Variants in ANXA4 observed in about 807,000 individuals in gnomAD.
ANXA4 encodes annexin A4.
In ANXA4, 39 loss-of-function variants were observed where a neutral mutation model predicts 49.8. The observed-to-expected ratio is 0.78, with a 90% CI of 0.61 to 1.02. The LOEUF is 1.02. Among genes scored for constraint, ANXA4 ranks in the 50% least tolerant of loss-of-function variants. The pLI, the probability that ANXA4 is intolerant of heterozygous loss-of-function variation, is 0.00. For missense variants in ANXA4, 360 were observed against 410.1 expected (o/e 0.88, Z 1.05); for synonymous variants, 134 against 152.5 (o/e 0.88, Z 0.89).
chr2:69,760,343 C>T (rs1193344227), intron 1 of ANXA4, among the ~76,000 whole-genome samples: 1 of 152,128 alleles, frequency 6.6e-6, no homozygotes, highest in Non-Finnish European at 1.5e-5. Context: ...AATCTCTTGA[C>T]ACTTGATTAA....
intron 2 of ANXA4, among the ~76,000 whole-genome samples, chr2:69,661,831 C>G (rs1310188425): frequency 6.6e-6 from 1 of 152,066 alleles, no homozygotes; most frequent in Non-Finnish European, 1.5e-5. Flanking sequence ...TAAGTCTGTA[C>G]AAGAAGCAGT....
chr2:69,718,263 C>A (rs887632809), intron 2 of ANXA4, among the ~76,000 whole-genome samples: 1 of 152,032 alleles, frequency 6.6e-6, no homozygotes, highest in African/African-American at 2.4e-5. Context: ...GGGAAAGGTC[C>A]CCCCAGCTGG....
chr2:69,722,041 G>C (rs983510200), intron 3 of ANXA4, among the ~76,000 whole-genome samples: 1 of 151,856 alleles, frequency 6.6e-6, no homozygotes, highest in Non-Finnish European at 1.5e-5. Context: ...TATCTCACAG[G>C]GTCATTGGGA....
At chr2:69,694,454 G>A (rs1362564806) in intron 2 of ANXA4, among the ~76,000 whole-genome samples, 3 of 150,758 alleles carry the variant, frequency 2.0e-5, no homozygotes, top group African/African-American at 7.3e-5. Context: ...CCATGTTGGT[G>A]TGCTGAACCC....
At chr2:69,798,189 A>G (rs527338863) in intron 3 of ANXA4, among the ~76,000 whole-genome samples, 1 of 152,188 alleles carries the variant, frequency 6.6e-6, no homozygotes, top group Non-Finnish European at 1.5e-5. Context: ...TATCATTAGG[A>G]GTTAAATAGT....
At chr2:69,812,603 T>G in intron 7 of ANXA4, 50 bp from the exon 8 acceptor site, 1 of 1,519,088 alleles carries the variant, frequency 6.6e-7, no homozygotes, top group African/African-American at 1.4e-5. Flanking sequence ...TGTCCCCAGA[T>G]CTTCATGTAT....
chr2:69,670,285 C>T (rs1299975547), intron 2 of ANXA4, among the ~76,000 whole-genome samples: 1 of 151,824 alleles, frequency 6.6e-6, no homozygotes, highest in Admixed American at 6.6e-5. Flanking sequence ...ACTAAAAACA[C>T]ATAAATTAGC....
chr2:69,799,311 G>C (rs1673085517), intron 3 of ANXA4, among the ~76,000 whole-genome samples: 1 of 152,176 alleles, frequency 6.6e-6, no homozygotes, highest in African/African-American at 2.4e-5. Flanking sequence ...GCACCTAAAG[G>C]GAAAGGAATG....
intron 2 of ANXA4, among the ~76,000 whole-genome samples, chr2:69,671,397 A>G (rs918585382): frequency 6.6e-6 from 1 of 152,214 alleles, no homozygotes; most frequent in African/African-American, 2.4e-5. Flanking sequence ...GCAATGCAAA[A>G]AAGACCTGTC....
At chr2:69,822,812 G>A (rs1301883965) in intron 12 of ANXA4, among the ~76,000 whole-genome samples, 1 of 151,968 alleles carries the variant, frequency 6.6e-6, no homozygotes, top group African/African-American at 2.4e-5. Flanking sequence ...TTTCTGTTTG[G>A]GGTGATGAAA....
intron 1 of ANXA4, among the ~76,000 whole-genome samples, chr2:69,763,694 G>A (rs1274554022): frequency 1.1e-4 from 15 of 141,340 alleles, no homozygotes; most frequent in Admixed American, 7.4e-4. Context: ...ATAGAGTCTC[G>A]CTCTGTTGCC....
intron 1 of ANXA4, among the ~76,000 whole-genome samples, chr2:69,771,795 A>G (rs890747160): frequency 6.6e-6 from 1 of 152,220 alleles, no homozygotes; most frequent in African/African-American, 2.4e-5. Context: ...TTCTCAACAT[A>G]CCTACTTTTT....
intron 2 of ANXA4, among the ~76,000 whole-genome samples, chr2:69,787,768 C>A (rs572435146): frequency 6.6e-6 from 1 of 152,354 alleles, no homozygotes; most frequent in South Asian, 2.1e-4. Flanking sequence ...CAATGTCACT[C>A]CTCAGAATGG....
At chr2:69,781,770 T>C (rs1672209784) in intron 2 of ANXA4, among the ~76,000 whole-genome samples, 196 bp downstream of exon 2, 2 of 152,144 alleles carry the variant, frequency 1.3e-5, no homozygotes, top group Admixed American at 6.5e-5. Context: ...CCTTGAAAAC[T>C]GATTCAAAGA....
Position 69,718,283 on chromosome 2 carries a change from C to G in ANXA4, n.767-2491C>G, listed in dbSNP as rs577232729. ...AGGTCCCCCCAGCTGGTCAGAATTC[C>G]CAAAGAAGGCTACCACTGGGAGATG... On this transcript the variant is annotated intron_variant and non_coding_transcript_variant, in intron 2 of 3. Coordinates refer to the ANXA4 transcript ENST00000418066. Among the ~76,000 whole-genome samples the G allele has an allele frequency of 3.5e-4, 53 of 152,252 alleles. 1 individual carries two copies. Among genetic ancestry groups the G allele is most frequent in the South Asian group, 1.2e-3 (6 of 4,828 alleles).
At chr2:69,753,046 C>T (rs142728969) in intron 1 of ANXA4, among the ~76,000 whole-genome samples, 2 of 152,244 alleles carry the variant, frequency 1.3e-5, no homozygotes, top group East Asian at 1.9e-4. Flanking sequence ...CTTAGGTGGA[C>T]GTTGTCCATC....
intron 2 of ANXA4, among the ~76,000 whole-genome samples, chr2:69,672,902 CAT>C (rs975169209): frequency 4.9e-4 from 74 of 150,480 alleles, no homozygotes; most frequent in African/African-American, 1.7e-3. Flanking sequence ...GTATACATAA[CAT>C]ATAAAAAAAA....
At chr2:69,677,111 C>T (rs1188297500) in intron 2 of ANXA4, among the ~76,000 whole-genome samples, 1 of 151,088 alleles carries the variant, frequency 6.6e-6, no homozygotes, top group Non-Finnish European at 1.5e-5. Context: ...CCACCACACC[C>T]TGCCAAGCCT....
intron 2 of ANXA4, among the ~76,000 whole-genome samples, chr2:69,681,403 T>C (rs113361510): frequency 0.17 from 25,094 of 151,242 alleles, 2,559 homozygotes; most frequent in East Asian, 0.37. Flanking sequence ...CTCACTCTGT[T>C]GCCCAGGCTG....
Sources: gnomAD v4.1 joint callset for allele counts (sites outside exome capture counted in the v4.1 genomes callset) on GRCh38, gnomAD v4.1.1 for gene constraint, MANE v1.5 for transcripts, NCBI Gene and HGNC (gene_info 2026-07-23, HGNC 2026-07-21) for gene names.